BAG4: variants seen among roughly 807,000 people sequenced by gnomAD.
The protein encoded by BAG4 is BAG cochaperone 4, also known as BAG family molecular chaperone regulator 4.
A neutral mutation model predicts 52.1 loss-of-function variants in BAG4; 28 were observed. The ratio of observed to expected loss-of-function variants is 0.54; its 90% confidence interval spans 0.40 to 0.74. BAG4 has a LOEUF of 0.74. Ranked by LOEUF, BAG4 falls within the 30% of genes least tolerant of loss-of-function variation. BAG4 has a pLI of 0.00. For synonymous variants in BAG4, 208 were observed against 217.0 expected (o/e 0.96, Z 0.37); for missense variants, 525 against 572.0 (o/e 0.92, Z 0.84).
chr8:38,200,009 C>CTT (rs58025410), intron 2 of BAG4, among the ~76,000 whole-genome samples: 11 of 141,340 alleles, frequency 7.8e-5, no homozygotes, highest in African/African-American at 1.6e-4. Flanking sequence ...TTGGTACCCC[C>CTT]TTTTTTTTTT....
Position 38,208,125 on chromosome 8 carries a change from C to T in BAG4, c.633+359C>T, listed in dbSNP as rs533487632. ...CCAAGTAGCTGGGATTACAAGCACG[C>T]GCCATCACGCCCAGCTCATTTTTGT... On this transcript the variant is annotated intron_variant, in intron 3 of 4. Coordinates refer to ENST00000287322, the MANE Select transcript of BAG4 (RefSeq NM_004874.4). Among the ~76,000 whole-genome samples, 16 of 151,384 alleles carry T rather than the reference C, an allele frequency of 1.1e-4. 1 individual carries two copies. In the East Asian group the frequency reaches 2.3e-3, roughly 22 times the overall value.
intron 1 of BAG4, among the ~76,000 whole-genome samples, chr8:38,179,979 A>G (rs1341564615): frequency 2.0e-5 from 3 of 152,112 alleles, no homozygotes; most frequent in Non-Finnish European, 4.4e-5. Context: ...GCATAGAGTT[A>G]GGGAGGGTTG....
chr8:38,182,422 C>G (rs10108757), intron 1 of BAG4, among the ~76,000 whole-genome samples: 36,442 of 152,044 alleles, frequency 0.24, 4,535 homozygotes, highest in East Asian at 0.31. Flanking sequence ...AAAATGTAAT[C>G]ACATATCCAC....
At chr8:38,194,859 T>G (rs202177691) in intron 2 of BAG4, among the ~76,000 whole-genome samples, 7,665 of 148,204 alleles carry the variant, frequency 0.052, 187 homozygotes, top group African/African-American at 0.087. Flanking sequence ...TTTTTTTTTT[T>G]TTTGTTTTTT....
rs758224495 is a variant in BAG4, at chr8:38,211,202, C to CTTTTTTTTTTTTTTTTTTTTT, written c.*711_*731dup. The CTTTTTTTTTTTTTTTTTTTTT allele has an allele frequency of 1.1e-5, 1 of 93,674 alleles. No homozygotes were observed. The highest frequency in any genetic ancestry group is 3.9e-5 in the African/African-American group (1 of 25,360). The allele number at this position is 93,674 out of a possible 1,614,324, so 5.8% of individuals were successfully genotyped here. On this transcript the variant is annotated 3_prime_UTR_variant, in exon 5 of 5. Transcript: ENST00000287322. ...ATCATTAGGTTAGAGTTTTTTTCTTCTTTTTTTTTTTTTTTTTTTTTTACC... is the reference window on the plus strand; with the variant it reads ...ATCATTAGGTTAGAGTTTTTTTCTTCTTTTTTTTTTTTTTTTTTTTTTTTTTTTTTTTTTTTTTTTTTTACC...
chr8:38,191,773 A>C (rs979626615), intron 1 of BAG4, among the ~76,000 whole-genome samples: 6 of 151,962 alleles, frequency 3.9e-5, no homozygotes, highest in African/African-American at 1.2e-4. Flanking sequence ...AAAAAAAAAA[A>C]AAAAAAAAAC....
At chr8:38,181,915 A>AAAAG (rs1554506184) in intron 1 of BAG4, among the ~76,000 whole-genome samples, 3 of 134,680 alleles carry the variant, frequency 2.2e-5, no homozygotes, top group South Asian at 2.2e-4. Flanking sequence ...AAAAAAAAAA[A>AAAAG]AGGAAGTAAG....
At chr8:38,191,476 G>A (rs1167429966) in intron 1 of BAG4, among the ~76,000 whole-genome samples, 1 of 152,096 alleles carries the variant, frequency 6.6e-6, no homozygotes, top group Non-Finnish European at 1.5e-5. Flanking sequence ...ACTATACTTG[G>A]GCGGGCACAG....
At chr8:38,195,155 T>C (rs1803544327) in intron 2 of BAG4, among the ~76,000 whole-genome samples, 1 of 151,608 alleles carries the variant, frequency 6.6e-6, no homozygotes, top group African/African-American at 2.4e-5. Context: ...CACCTGGCTT[T>C]TGTTTGTTTT....
Position 38,210,668 on chromosome 8 carries a change from G to A in BAG4, c.*175G>A. 1.2e-6 allele frequency: 1 copy of A among 840,272 alleles called. No individual in the cohort carries two copies. The highest frequency in any genetic ancestry group is 1.7e-6 in the Non-Finnish European group (1 of 589,998). 52.1% of individuals were successfully genotyped at this position (840,272 alleles called of 1,614,324 possible). On this transcript the variant is annotated 3_prime_UTR_variant, in exon 5 of 5. Coordinates refer to ENST00000287322, the MANE Select transcript of BAG4 (RefSeq NM_004874.4). The stretch of plus-strand genomic sequence containing the variant: ...GAATGGAAGAATATTTTAGTCATGA[G>A]TTGTTTTCAGTTTTCAGACGAATGA...
chr8:38,191,856 G>T (rs1803480897), intron 1 of BAG4, among the ~76,000 whole-genome samples: 2 of 151,728 alleles, frequency 1.3e-5, no homozygotes, highest in Non-Finnish European at 2.9e-5. Flanking sequence ...GATAATAGGT[G>T]CTCTGAGAAG....
chr8:38,188,113 G>A (rs1208227688), intron 1 of BAG4, among the ~76,000 whole-genome samples: 1 of 146,838 alleles, frequency 6.8e-6, no homozygotes, highest in Non-Finnish European at 1.5e-5. Flanking sequence ...GAAAAAAAAA[G>A]TATAATCATT....
rs1563286490 is a variant in BAG4, at chr8:38,210,200, C to G, written c.1081C>G (p.Gln361Glu). The change falls in exon 5 of 5, where the codon CAA becomes GAA. Residue 361 changes from glutamine to glutamate, a missense_variant. By Grantham distance (29) the Gln-to-Glu change is conservative. Around this residue, in one of 2 missense-constraint regions of BAG4, gnomAD observed 238 missense variants for 305.8 expected, o/e 0.78. Coordinates refer to ENST00000287322, the MANE Select transcript of BAG4 (RefSeq NM_004874.4). The stretch of plus-strand genomic sequence containing the variant: ...CAGTGACCATCCCAACAATCAAGAT[C>G]AAAGTAGCAGTCTTCCTGAAGAATG... The part of the protein sequence containing the change: ...ATSDHPNNQD[Q>E]SSSLPEECVP... 1.2e-6 allele frequency: 2 copies of G among 1,614,122 alleles called. No homozygotes were observed. Among genetic ancestry groups the G allele is most frequent in the Non-Finnish European group, 1.7e-6 (2 of 1,180,038 alleles).
At chr8:38,202,470 T>A (rs1803695386) in intron 2 of BAG4, among the ~76,000 whole-genome samples, 1 of 152,182 alleles carries the variant, frequency 6.6e-6, no homozygotes, top group Admixed American at 6.5e-5. Context: ...TGCCCCCGCT[T>A]ATCTTAAACT....
chr8:38,206,190 G>A (rs956900160), intron 2 of BAG4, among the ~76,000 whole-genome samples: 4 of 151,054 alleles, frequency 2.6e-5, no homozygotes, highest in Non-Finnish European at 5.9e-5. Flanking sequence ...CAGGAGAATC[G>A]CTTGAATCTG....
intron 1 of BAG4, among the ~76,000 whole-genome samples, chr8:38,186,149 G>A (rs976081138): frequency 2.6e-5 from 4 of 152,124 alleles, no homozygotes; most frequent in Non-Finnish European, 5.9e-5. Context: ...TGGCTGAGTG[G>A]TGGTGGTTCC....
chr8:38,192,794 A>G lies in BAG4; in HGVS notation c.377A>G (p.Gln126Arg). ...CCTGTAAGACCAGAATTGCAAGGCC[A>G]GGTATGGTTTAAAAACAGAGACTTT... ...TYPVRPELQG[Q>R]SLNSYTNGAY... The change falls in exon 2 of 5, where the codon CAG becomes CGG. Residue 126 changes from glutamine to arginine, a missense_variant and splice_region_variant. This residue lies in a region of BAG4 where 287 missense variants were observed against 266.1 expected (regional missense o/e 1.08). Transcript: ENST00000287322. 1.9e-6 allele frequency: 3 copies of G among 1,584,484 alleles called. No individual in the cohort carries two copies. The highest frequency in any genetic ancestry group is 2.6e-6 in the Non-Finnish European group (3 of 1,166,094).
rs1161588689 is a variant in BAG4 at position 38,201,834 on chromosome 8, TTA to T, written c.379-5632_379-5631del. ...CATGCATTTATTCTGAGTGTGGAAT[TTA>T]TATATATATATATATATATATATAT... is the stretch of plus-strand genomic sequence containing the variant. On this transcript the variant is annotated intron_variant, in intron 2 of 4. Coordinates refer to ENST00000287322, the MANE Select transcript of BAG4 (RefSeq NM_004874.4). The T allele has an allele frequency of 9.7e-3, 439 of 45,124 alleles. 1 individual carries two copies. The highest frequency in any genetic ancestry group is 0.013 in the Middle Eastern group (1 of 80). The allele number at this position is 45,124 out of a possible 1,614,324, so 2.8% of individuals were successfully genotyped here.
chr8:38,192,377 G>A (rs557187417), intron 1 of BAG4, among the ~76,000 whole-genome samples: 6 of 152,206 alleles, frequency 3.9e-5, no homozygotes, highest in African/African-American at 1.4e-4. Flanking sequence ...TTGTCATAGA[G>A]CATTTGATTT....
Sources: gnomAD v4.1 joint callset for allele counts (sites outside exome capture counted in the v4.1 genomes callset) on GRCh38, gnomAD v4.1.1 for gene constraint, gnomAD v4.1.1 regional missense constraint, MANE v1.5 for transcripts, NCBI Gene and HGNC (gene_info 2026-07-23, HGNC 2026-07-21) for gene names.